Variants in SLC71A1 observed in about 807,000 individuals in gnomAD.
SLC71A1 encodes hippocampus abundant gene transcript 1.
At chr1:100,079,416 A>C in the SLC71A1 span, 1 of 151,854 alleles carries the variant, frequency 6.6e-6, no homozygotes, top group Admixed American at 6.6e-5. Context: ...GATGACAAAT[A>C]CTTCTTTGAA....
chr1:100,073,183 A>G, the SLC71A1 span, among the ~76,000 whole-genome samples: 3 of 152,098 alleles, frequency 2.0e-5, no homozygotes, highest in Non-Finnish European at 4.4e-5. Context: ...CTTGAATCAG[A>G]GCGTTTCTGA....
the SLC71A1 span, among the ~76,000 whole-genome samples, chr1:100,059,038 G>T: frequency 2.7e-5 from 4 of 150,146 alleles, no homozygotes; most frequent in African/African-American, 9.8e-5. Context: ...TAAGACTACA[G>T]ATTGAAGAGG....
At chr1:100,059,704 A>G in the SLC71A1 span, among the ~76,000 whole-genome samples, 1 of 152,062 alleles carries the variant, frequency 6.6e-6, no homozygotes, top group Non-Finnish European at 1.5e-5. Flanking sequence ...ATTCTAAACT[A>G]TCTTGGGAAA....
the SLC71A1 span, chr1:100,080,755 T>C: frequency 5.7e-6 from 6 of 1,054,258 alleles, no homozygotes; most frequent in Non-Finnish European, 8.3e-6. Flanking sequence ...TGAGATTCTA[T>C]TTGAGATTGG....
the SLC71A1 span, among the ~76,000 whole-genome samples, chr1:100,071,305 AAAAAAAAAAAAG>A: frequency 3.3e-5 from 5 of 149,706 alleles, no homozygotes; most frequent in African/African-American, 1.2e-4. Context: ...AAAAAAAAAA[AAAAAAAAAAAAG>A]AAAGAAAGCC....
the SLC71A1 span, among the ~76,000 whole-genome samples, chr1:100,057,242 A>G: frequency 6.6e-6 from 1 of 151,848 alleles, no homozygotes; most frequent in Non-Finnish European, 1.5e-5. Context: ...ATCTTTGCCC[A>G]GTCCAGTGTC....
the SLC71A1 span, among the ~76,000 whole-genome samples, chr1:100,038,496 C>A: frequency 0.018 from 2,760 of 152,296 alleles, 61 homozygotes; most frequent in Middle Eastern, 0.065. Context: ...TCGTCCTCCG[C>A]TGCTCGGGCT....
At chr1:100,056,872 A>C in the SLC71A1 span, among the ~76,000 whole-genome samples, 1 of 152,094 alleles carries the variant, frequency 6.6e-6, no homozygotes, top group South Asian at 2.1e-4. Flanking sequence ...GCTGTTTTTA[A>C]CTGGGGTGAG....
At chr1:100,039,428 G>A in the SLC71A1 span, among the ~76,000 whole-genome samples, 23 of 152,232 alleles carry the variant, frequency 1.5e-4, no homozygotes, top group South Asian at 4.4e-3. Context: ...TTCAGAACAC[G>A]GCCCAGTCAA....
the SLC71A1 span, chr1:100,079,410 A>G: frequency 6.6e-6 from 1 of 151,842 alleles, no homozygotes; most frequent in Non-Finnish European, 1.5e-5. Context: ...CTAACAGATG[A>G]CAAATACTTC....
the SLC71A1 span, among the ~76,000 whole-genome samples, chr1:100,058,889 T>G: frequency 2.0e-5 from 3 of 152,112 alleles, no homozygotes; most frequent in African/African-American, 7.2e-5. Flanking sequence ...TTTTGAGAGA[T>G]AACTTAATAC....
At chr1:100,068,402 G>T in the SLC71A1 span, 1 of 1,089,874 alleles carries the variant, frequency 9.2e-7, no homozygotes, top group Admixed American at 2.0e-5. Flanking sequence ...AGGAATCTCT[G>T]CGTATTCTTA....
At chr1:100,047,124 C>T in the SLC71A1 span, among the ~76,000 whole-genome samples, 1 of 152,126 alleles carries the variant, frequency 6.6e-6, no homozygotes, top group East Asian at 1.9e-4. Flanking sequence ...AAGTGGGCAT[C>T]TTTGTCTTGT....
chr1:100,077,140 A>C, the SLC71A1 span: 1 of 1,083,190 alleles, frequency 9.2e-7, no homozygotes, highest in African/African-American at 1.6e-5. Context: ...CTTTATTCTG[A>C]TAAATCTTTT....
the SLC71A1 span, among the ~76,000 whole-genome samples, chr1:100,043,479 G>C: frequency 6.6e-6 from 1 of 152,138 alleles, no homozygotes; most frequent in Non-Finnish European, 1.5e-5. Flanking sequence ...CCAGTCGTGG[G>C]AAACTTAATA....
the SLC71A1 span, among the ~76,000 whole-genome samples, chr1:100,051,729 A>G: frequency 6.6e-6 from 1 of 152,194 alleles, no homozygotes; most frequent in Non-Finnish European, 1.5e-5. Context: ...TTAACATACA[A>G]ATCTGTCTGG....
chr1:100,074,682 G>C, the SLC71A1 span, among the ~76,000 whole-genome samples: 3 of 151,982 alleles, frequency 2.0e-5, no homozygotes, highest in Non-Finnish European at 4.4e-5. Flanking sequence ...TTCGAAACCA[G>C]CCTGGCCAAT....
the SLC71A1 span, among the ~76,000 whole-genome samples, chr1:100,053,526 A>G: frequency 2.0e-5 from 3 of 152,254 alleles, no homozygotes; most frequent in South Asian, 2.1e-4. Flanking sequence ...CCCTCCCTCA[A>G]CAGTTATATC....
At chr1:100,043,787 T>G in the SLC71A1 span, among the ~76,000 whole-genome samples, 1 of 152,258 alleles carries the variant, frequency 6.6e-6, no homozygotes, top group African/African-American at 2.4e-5. Context: ...AACTCTCACT[T>G]GTAAGTGAGA....
Sources: gnomAD v4.1 joint callset for allele counts (sites outside exome capture counted in the v4.1 genomes callset) on GRCh38, gnomAD v4.1.1 for gene constraint, MANE v1.5 for transcripts, NCBI Gene and HGNC (gene_info 2026-07-23, HGNC 2026-07-21) for gene names.